The following ITGA8 variants were observed in gnomAD, a reference collection of about 807,000 sequenced individuals.
ITGA8 encodes the protein integrin alpha-8.
In ITGA8, 91 loss-of-function variants were observed where a neutral mutation model predicts 142.3. That is an observed-to-expected ratio of 0.64 (90% confidence interval 0.54 to 0.76). The LOEUF is 0.76. Among genes scored for constraint, ITGA8 ranks in the 30% least tolerant of loss-of-function variants. The pLI is 0.00. For synonymous variants in ITGA8, 505 were observed against 485.2 expected (o/e 1.04, Z -0.54); for missense variants, 1,406 against 1,327.7 (o/e 1.06, Z -0.92).
At chr10:15,608,159 T>C in intron 16 of ITGA8, 76 bp downstream of exon 16, 3 of 1,013,418 alleles carry the variant, frequency 3.0e-6, no homozygotes, top group Non-Finnish European at 4.5e-6. Context: ...CATTTTTTTA[T>C]GGTCTGTGCA....
rs1217248729 is a variant in ITGA8 at position 15,517,274 on chromosome 10, A to G, written c.3106-30T>C. 1.3e-5 allele frequency: 19 copies of G among 1,488,956 alleles called. 1 individual carries two copies. The highest frequency in any genetic ancestry group is 1.6e-5 in the Non-Finnish European group (17 of 1,083,508). 92.2% of individuals were successfully genotyped at this position (1,488,956 alleles called of 1,614,324 possible). A position where few individuals can be genotyped will look rare whatever the true frequency, so the allele number is the denominator to read the frequency against. ...AAAGGGAAAGATGGGCTATAAAATC[A>G]CGTCATTCTGGGAACCTGTGAAACC... is the stretch of plus-strand genomic sequence containing the variant. On this transcript the variant is annotated intron_variant, in intron 29 of 29. Coordinates refer to ENST00000378076, the MANE Select transcript of ITGA8 (RefSeq NM_003638.3).
chr10:15,573,875 T>TC (rs1834234202), intron 24 of ITGA8, among the ~76,000 whole-genome samples: 15 of 151,920 alleles, frequency 9.9e-5, no homozygotes, highest in African/African-American at 3.6e-4. Flanking sequence ...TTGACTTTAT[T>TC]TAAAAAAAAA....
chr10:15,645,054 G>A (rs950978651), intron 12 of ITGA8, among the ~76,000 whole-genome samples: 70 of 132,514 alleles, frequency 5.3e-4, no homozygotes, highest in Non-Finnish European at 4.2e-4. Context: ...AGTTGAGATC[G>A]TGCCACTGCA....
intron 22 of ITGA8, among the ~76,000 whole-genome samples, chr10:15,590,610 C>T (rs1308533845): frequency 6.6e-6 from 1 of 152,094 alleles, no homozygotes; most frequent in East Asian, 1.9e-4. Flanking sequence ...GATGGTGGTC[C>T]TTTGCCATGA....
At chr10:15,612,119 A>G (rs77834649) in intron 15 of ITGA8, among the ~76,000 whole-genome samples, 1,827 of 152,252 alleles carry the variant, frequency 0.012, 51 homozygotes, top group African/African-American at 0.042. Context: ...TCATTATACT[A>G]TTTTATGGTT....
At chr10:15,699,045 G>A (rs1410119895) in intron 2 of ITGA8, among the ~76,000 whole-genome samples, 1 of 152,136 alleles carries the variant, frequency 6.6e-6, no homozygotes, top group South Asian at 2.1e-4. Context: ...CAGCATATTG[G>A]GAGTCCAGGA....
intron 3 of ITGA8, among the ~76,000 whole-genome samples, chr10:15,686,317 T>A (rs546601015): frequency 6.6e-6 from 1 of 152,204 alleles, no homozygotes; most frequent in Non-Finnish European, 1.5e-5. Flanking sequence ...ACTCTCTAAC[T>A]CTTCTAGGTT....
At chr10:15,688,116 A>C in intron 2 of ITGA8, 78 bp from the exon 3 acceptor site, 4 of 973,978 alleles carry the variant, frequency 4.1e-6, no homozygotes, top group Non-Finnish European at 5.0e-6. Flanking sequence ...TTTGTACATT[A>C]AAAATACTTG....
intron 15 of ITGA8, 149 bp downstream of exon 15, chr10:15,613,511 A>G (rs1472028575): frequency 1.5e-6 from 1 of 649,606 alleles, no homozygotes; most frequent in Admixed American, 2.4e-5. Flanking sequence ...GCCACAGACC[A>G]GCAGCAGCAG....
At chr10:15,549,430 C>T (rs61843014) in intron 26 of ITGA8, among the ~76,000 whole-genome samples, 18,949 of 151,796 alleles carry the variant, frequency 0.12, 1,467 homozygotes, top group Admixed American at 0.17. Flanking sequence ...AGGCTGGTCT[C>T]GCACTCCTGA....
intron 27 of ITGA8, among the ~76,000 whole-genome samples, chr10:15,544,320 A>T (rs1352574290): frequency 6.6e-6 from 1 of 152,026 alleles, no homozygotes. Flanking sequence ...ACAAAACAAA[A>T]CAACAACAAC....
chr10:15,614,562 A>G (rs896805178), intron 14 of ITGA8, among the ~76,000 whole-genome samples: 1 of 152,212 alleles, frequency 6.6e-6, no homozygotes, highest in Non-Finnish European at 1.5e-5. Context: ...GATGAGGATA[A>G]CAAAACAAAA....
chr10:15,514,716 T>G lies in ITGA8; in HGVS notation c.*2442A>C, dbSNP rs1413209573. The G allele has an allele frequency of 6.6e-6, 1 of 152,280 alleles. No homozygotes were observed. The highest frequency in any genetic ancestry group is 2.4e-5 in the African/African-American group (1 of 41,446). The allele number at this position is 152,280 out of a possible 1,614,324, so 9.4% of individuals were successfully genotyped here. The stretch of plus-strand genomic sequence containing the variant: ...CTGCACCCAGACTTTGCTTCCATAT[T>G]CTAAAGGGCAGAGGGCCACTGCGTG... On this transcript the variant is annotated 3_prime_UTR_variant, in exon 30 of 30. Transcript: ENST00000378076.
chr10:15,575,911 T>C (rs1262651590), intron 23 of ITGA8, among the ~76,000 whole-genome samples: 2 of 151,608 alleles, frequency 1.3e-5, no homozygotes, highest in Admixed American at 1.3e-4. Flanking sequence ...TATATAAATA[T>C]ATACATCCAT....
At chr10:15,653,179 C>G (rs1834120781) in intron 11 of ITGA8, among the ~76,000 whole-genome samples, 1 of 152,148 alleles carries the variant, frequency 6.6e-6, no homozygotes, top group South Asian at 2.1e-4. Context: ...ACACTCCTTC[C>G]TCCCTCCCTC....
chr10:15,570,805 A>G (rs769299097), intron 25 of ITGA8, among the ~76,000 whole-genome samples: 50 of 152,186 alleles, frequency 3.3e-4, no homozygotes, highest in Non-Finnish European at 6.6e-4. Flanking sequence ...AACCAGTTAC[A>G]TAATATATAC....
chr10:15,525,645 CAA>C (rs374326483), intron 28 of ITGA8, among the ~76,000 whole-genome samples: 10 of 63,780 alleles, frequency 1.6e-4, no homozygotes, highest in African/African-American at 4.9e-4. Flanking sequence ...AACTCCATCT[CAA>C]AAAAAAAAAA....
chr10:15,665,800 C>T lies in ITGA8; in HGVS notation c.848-4878G>A, dbSNP rs533803317. 6.2e-3 allele frequency among the ~76,000 whole-genome samples: 947 copies of T among 152,222 alleles called. 7 individuals are homozygous for T. Among genetic ancestry groups the T allele is most frequent in the African/African-American group, 0.022 (910 of 41,526 alleles). On this transcript the variant is annotated intron_variant, in intron 8 of 29. Coordinates refer to ENST00000378076, the MANE Select transcript of ITGA8 (RefSeq NM_003638.3). ...TCCTTTCCCCATTGCTTGTTTTTGT[C>T]AGGTTTGTCAAAGATCAGATAGTTG...
chr10:15,707,742 G>C (rs1835285811), intron 2 of ITGA8, among the ~76,000 whole-genome samples: 1 of 151,422 alleles, frequency 6.6e-6, no homozygotes, highest in South Asian at 2.1e-4. Flanking sequence ...AGAATTGCTT[G>C]AACCTGGGAG....
Sources: gnomAD v4.1 joint callset for allele counts (sites outside exome capture counted in the v4.1 genomes callset) on GRCh38, gnomAD v4.1.1 for gene constraint, MANE v1.5 for transcripts, NCBI Gene and HGNC (gene_info 2026-07-23, HGNC 2026-07-21) for gene names.